Variants in PSD2 observed in about 807,000 individuals in gnomAD.
PSD2 encodes the protein pleckstrin and Sec7 domain containing 2.
Under a neutral mutation model 69.8 loss-of-function variants are expected in PSD2, and 38 were observed. That is an observed-to-expected ratio of 0.54 (90% CI 0.42 to 0.71). The LOEUF (loss-of-function observed/expected upper bound fraction) is 0.71, where lower values mean the gene tolerates loss of function less well. Ranked by LOEUF, PSD2 falls within the 30% of genes least tolerant of loss-of-function variation. The pLI, the probability that PSD2 is intolerant of heterozygous loss-of-function variation, is 0.00. For missense variants in PSD2, 943 were observed against 1,014.5 expected, an observed-to-expected ratio of 0.93 and a Z score of 0.96; for synonymous variants, 412 against 423.0, an observed-to-expected ratio of 0.97 and a Z score of 0.32.
Position 139,809,527 on chromosome 5 carries a change from G to A in PSD2, c.87G>A (p.Gly29=), listed in dbSNP as rs140887296. The A allele has an allele frequency of 5.4e-5, 87 of 1,613,230 alleles. No homozygotes were observed. In the African/African-American group the frequency reaches 9.5e-4, roughly 18 times the overall value. ...GTCCAGAGCCTGAAGAGGAGCCAGG[G>A]GTCCGGAATGGGATGGCCAGTGAGG... The part of the protein sequence containing the change: ...DPGPEPEEEP[G]VRNGMASEGL... The change falls in exon 2 of 15, where the codon GGG becomes GGA. Residue 29 remains glycine, a synonymous_variant. Coordinates refer to ENST00000274710, the MANE Select transcript of PSD2 (RefSeq NM_032289.4).
rs1292319317 is a variant in PSD2 at position 139,836,869 on chromosome 5, G to C, written c.1462G>C (p.Gly488Arg). ...GCTGGTGGATGACAAGTTCGGGACA[G>C]GCACGAAGAAGGTGACGCGAATCCT... ...SELVDDKFGT[G>R]TKKVTRILDG... Residue 488 changes from glycine (G) to arginine (R), a missense_variant, in exon 10 of 15, where the codon GGC (glycine) becomes CGC (arginine). Transcript: ENST00000274710. 1.9e-6 allele frequency: 3 copies of C among 1,614,212 alleles called. No homozygotes were observed. The highest frequency in any genetic ancestry group is 2.5e-6 in the Non-Finnish European group (3 of 1,180,022).
Position 139,842,499 on chromosome 5 carries a change from G to A in PSD2, c.*25G>A. On this transcript the variant is annotated 3_prime_UTR_variant, in exon 15 of 15. Transcript: ENST00000274710. The stretch of plus-strand genomic sequence containing the variant: ...GCTGACATGGATTTGCAGACCCCAG[G>A]GTGGGCAGATGTCTCCAGTGGGGTC... 6.2e-7 allele frequency: 1 copy of A among 1,604,630 alleles called. No individual in the cohort carries two copies. The highest frequency in any genetic ancestry group is 2.2e-5 in the East Asian group (1 of 44,676).
At chr5:139,786,645 C>T in the PSD2 span, among the ~76,000 whole-genome samples, 1 of 152,136 alleles carries the variant, frequency 6.6e-6, no homozygotes, top group Admixed American at 6.5e-5. Context: ...CTCTTGGTGA[C>T]TCAGTGATTG....
intron 7 of PSD2, among the ~76,000 whole-genome samples, chr5:139,830,058 G>A (rs1329363671): frequency 1.3e-5 from 2 of 149,240 alleles, no homozygotes; most frequent in African/African-American, 4.9e-5. Context: ...GATCTGGTAT[G>A]TGTGATCTGT....
the PSD2 span, among the ~76,000 whole-genome samples, chr5:139,778,647 AG>A: frequency 2.0e-5 from 3 of 152,080 alleles, no homozygotes; most frequent in Non-Finnish European, 4.4e-5. Context: ...CCTAGCAATG[AG>A]GGTCAGGCGT....
the PSD2 span, among the ~76,000 whole-genome samples, chr5:139,754,871 AAAAAC>A: frequency 6.8e-6 from 1 of 147,596 alleles, no homozygotes; most frequent in Admixed American, 6.6e-5. Flanking sequence ...TGTCTCAAAA[AAAAAC>A]AAAAACAAAA....
At chr5:139,781,167 A>T in the PSD2 span, among the ~76,000 whole-genome samples, 2 of 152,268 alleles carry the variant, frequency 1.3e-5, no homozygotes, top group African/African-American at 4.8e-5. Context: ...TGGACCAGAG[A>T]AGTCCAGGGC....
At chr5:139,783,336 C>T in the PSD2 span, among the ~76,000 whole-genome samples, 53 of 151,956 alleles carry the variant, frequency 3.5e-4, no homozygotes, top group African/African-American at 1.2e-3. Flanking sequence ...CAGCCACTTG[C>T]GAGGCTGAGG....
At chr5:139,835,364 C>T (rs1335069892) in intron 8 of PSD2, among the ~76,000 whole-genome samples, 1 of 152,132 alleles carries the variant, frequency 6.6e-6, no homozygotes, top group Non-Finnish European at 1.5e-5. Flanking sequence ...CATTCACTCA[C>T]CCATCCTCCC....
At chr5:139,831,302 G>T (rs550652431) in intron 7 of PSD2, among the ~76,000 whole-genome samples, 1 of 152,184 alleles carries the variant, frequency 6.6e-6, no homozygotes, top group East Asian at 1.9e-4. Flanking sequence ...TTCTTTCAAA[G>T]ATTTCTGTTC....
the PSD2 span, among the ~76,000 whole-genome samples, chr5:139,783,550 T>C: frequency 6.6e-6 from 1 of 152,222 alleles, no homozygotes; most frequent in Non-Finnish European, 1.5e-5. Flanking sequence ...CACCTGTCGA[T>C]GGACACCAGG....
the PSD2 span, among the ~76,000 whole-genome samples, chr5:139,790,100 T>C: frequency 6.6e-6 from 1 of 151,804 alleles, no homozygotes; most frequent in East Asian, 1.9e-4. Flanking sequence ...GGCCAGATCT[T>C]ATGGGATTTT....
the PSD2 span, among the ~76,000 whole-genome samples, chr5:139,776,648 T>G: frequency 1.3e-5 from 2 of 151,608 alleles, no homozygotes; most frequent in Admixed American, 1.3e-4. Context: ...CCTTGACACT[T>G]TGCTCAGGTC....
chr5:139,841,844 G>T (rs918678109), intron 14 of PSD2, among the ~76,000 whole-genome samples: 1 of 152,044 alleles, frequency 6.6e-6, no homozygotes, highest in Non-Finnish European at 1.5e-5. Context: ...AAAAATTTTG[G>T]GTTGTCTTCT....
intron 1 of PSD2, among the ~76,000 whole-genome samples, chr5:139,796,582 G>GTCC (rs1759535374): frequency 6.6e-6 from 1 of 152,262 alleles, no homozygotes; most frequent in Non-Finnish European, 1.5e-5. Context: ...GGCCGAGGCG[G>GTCC]CAGCGGGAGG....
rs1324464757 is a variant in PSD2 at position 139,814,967 on chromosome 5, C to T, written c.1016+603C>T. Among the ~76,000 whole-genome samples the T allele has an allele frequency of 6.6e-6, 1 of 152,166 alleles. No individual in the cohort carries two copies. Among genetic ancestry groups the T allele is most frequent in the African/African-American group, 2.4e-5 (1 of 41,432 alleles). On this transcript the variant is annotated intron_variant, in intron 4 of 14. Transcript: ENST00000274710. The surrounding 1 kb of genome is among the most constrained non-coding windows in gnomAD (Gnocchi z 4.4). ...CACATCTGACCACCAGTGTGACCAC[C>T]CACCACCTGCCCCTGGCCCTTTCAT... is the stretch of plus-strand genomic sequence containing the variant.
chr5:139,748,450 T>A, the PSD2 span, among the ~76,000 whole-genome samples: 337 of 152,292 alleles, frequency 2.2e-3, 1 homozygote, highest in African/African-American at 7.6e-3. Flanking sequence ...CTGACCGCAA[T>A]GCTCGTGCAT....
the PSD2 span, among the ~76,000 whole-genome samples, chr5:139,788,094 G>T: frequency 4.9e-4 from 74 of 152,278 alleles, no homozygotes; most frequent in African/African-American, 1.6e-3. Context: ...GGAAGACTCC[G>T]CGCAGTGCTG....
chr5:139,789,743 G>A, the PSD2 span, among the ~76,000 whole-genome samples: 1 of 152,188 alleles, frequency 6.6e-6, no homozygotes, highest in Non-Finnish European at 1.5e-5. Flanking sequence ...CCCTCATGGA[G>A]CCTATGGCCT....
Sources: allele counts gnomAD v4.1 joint callset (sites outside exome capture counted in the v4.1 genomes callset), GRCh38; gene constraint gnomAD v4.1.1; non-coding constraint Gnocchi (gnomAD v3.1); transcripts MANE v1.5; gene names NCBI Gene and HGNC (gene_info 2026-07-23, HGNC 2026-07-21).